Variants in UBE2V1 observed in about 807,000 individuals in gnomAD.
UBE2V1 encodes ubiquitin-conjugating enzyme E2 variant 1.
In UBE2V1, 15 loss-of-function variants were observed where a neutral mutation model predicts 19.6. The observed-to-expected ratio is 0.77, with a 90% CI of 0.51 to 1.18. The LOEUF is 1.18. Among genes scored for constraint, UBE2V1 ranks in the 50% most tolerant of loss-of-function variants. The probability of loss-of-function intolerance (pLI) is 0.00; values close to 1 mark genes in which losing one functional copy is unlikely to be tolerated. For missense variants in UBE2V1, 125 were observed against 184.8 expected (o/e 0.68, Z 1.88); for synonymous variants, 60 against 60.7 (o/e 0.99, Z 0.05).
At chr20:50,087,000 C>T (rs1003110218) in intron 2 of UBE2V1, among the ~76,000 whole-genome samples, 1 of 152,134 alleles carries the variant, frequency 6.6e-6, no homozygotes, top group Non-Finnish European at 1.5e-5. Flanking sequence ...TGGCACGAAC[C>T]CGGGAGGTGG....
At chr20:50,112,234 T>A (rs1310919211) in intron 1 of UBE2V1, among the ~76,000 whole-genome samples, 2 of 152,132 alleles carry the variant, frequency 1.3e-5, no homozygotes, top group African/African-American at 4.8e-5. Context: ...GGGGCTTCCC[T>A]CAGTTGAATC....
chr20:50,106,079 T>C (rs897594633), intron 1 of UBE2V1, among the ~76,000 whole-genome samples: 1 of 152,060 alleles, frequency 6.6e-6, no homozygotes, highest in African/African-American at 2.4e-5. Context: ...AAATAGACTA[T>C]GACTATTAAA....
At chr20:50,094,143 TTATA>T (rs928852253) in intron 2 of UBE2V1, among the ~76,000 whole-genome samples, 4 of 131,028 alleles carry the variant, frequency 3.1e-5, no homozygotes, top group East Asian at 2.1e-4. Flanking sequence ...ATTATATATC[TTATA>T]TATAATTATA....
chr20:50,110,142 A>G (rs1239891867), intron 1 of UBE2V1, among the ~76,000 whole-genome samples: 5 of 152,244 alleles, frequency 3.3e-5, no homozygotes, highest in African/African-American at 1.2e-4. Flanking sequence ...TTTCTGATTA[A>G]ATGTCAGGGA....
chr20:50,105,077 T>A (rs947761239), intron 1 of UBE2V1, among the ~76,000 whole-genome samples: 3 of 152,190 alleles, frequency 2.0e-5, no homozygotes, highest in Non-Finnish European at 4.4e-5. Context: ...CCATTTTTTT[T>A]AAAATAAGGG....
chr20:50,084,298 G>A (rs770359999), intron 2 of UBE2V1, 44 bp from the exon 3 acceptor site: 1 of 1,609,572 alleles, frequency 6.2e-7, no homozygotes. Context: ...TACAAACAAA[G>A]CATTCAAAAA....
intron 3 of UBE2V1, 102 bp from the exon 4 acceptor site, chr20:50,083,016 T>G: frequency 1.3e-6 from 2 of 1,528,844 alleles, no homozygotes; most frequent in South Asian, 2.5e-5. Flanking sequence ...GATGTACTTT[T>G]TAAGCTGAAC....
intron 2 of UBE2V1, among the ~76,000 whole-genome samples, chr20:50,094,332 A>C (rs1353937636): frequency 6.0e-5 from 7 of 116,532 alleles, no homozygotes; most frequent in African/African-American, 2.4e-4. Context: ...AAAGGAGGAA[A>C]AATTAGGTAG....
chr20:50,112,180 A>C (rs1352344752), intron 1 of UBE2V1, among the ~76,000 whole-genome samples: 1 of 152,222 alleles, frequency 6.6e-6, no homozygotes, highest in Non-Finnish European at 1.5e-5. Context: ...TCTCCTTTAC[A>C]GGAAACATCT....
chr20:50,113,494 C>T (rs383495), upstream of UBE2V1, among the ~76,000 whole-genome samples: 43,101 of 152,084 alleles, frequency 0.28, 6,137 homozygotes, highest in Middle Eastern at 0.37. Context: ...TAGTTCCTAT[C>T]TAGATCCTCA....
At chr20:50,092,264 G>A (rs1203017039) in intron 2 of UBE2V1, among the ~76,000 whole-genome samples, 3 of 152,134 alleles carry the variant, frequency 2.0e-5, no homozygotes, top group African/African-American at 4.8e-5. Flanking sequence ...AGAGACTGCC[G>A]TGAGCTGAAA....
rs924184495 is a variant in UBE2V1, at chr20:50,110,788, C to A, written c.22+2319G>T. Among the ~76,000 whole-genome samples the A allele has an allele frequency of 5.3e-5, 8 of 152,200 alleles. 1 individual carries two copies. The highest frequency in any genetic ancestry group is 1.9e-4 in the African/African-American group (8 of 41,442). On this transcript the variant is annotated intron_variant, in intron 1 of 3. Coordinates refer to ENST00000371674, the MANE Select transcript of UBE2V1 (RefSeq NM_001032288.3). ...CTCTCCAACTCATCTCCTTAACAAG[C>A]CTTGCTTGCACATGAAGGCCTTTTA...
intron 1 of UBE2V1, among the ~76,000 whole-genome samples, chr20:50,110,739 A>G (rs2080699364): frequency 2.0e-5 from 3 of 152,072 alleles, no homozygotes; most frequent in Admixed American, 2.0e-4. Context: ...TTCCCCTCAT[A>G]CCATCTCAAA....
chr20:50,084,554 C>T (rs1213118201), intron 2 of UBE2V1: 1 of 504,050 alleles, frequency 2.0e-6, no homozygotes, highest in Admixed American at 2.3e-5. Flanking sequence ...CTTTGCAGTC[C>T]TTCTCTGGGG....
chr20:50,096,887 C>A (rs2079658843), intron 1 of UBE2V1, 67 bp from the exon 2 acceptor site: 1 of 1,592,650 alleles, frequency 6.3e-7, no homozygotes, highest in Non-Finnish European at 8.5e-7. Flanking sequence ...CTAGAGCTAG[C>A]TGCTCATTAT....
At chr20:50,109,558 G>A (rs981273476) in intron 1 of UBE2V1, among the ~76,000 whole-genome samples, 2 of 152,052 alleles carry the variant, frequency 1.3e-5, no homozygotes, top group Non-Finnish European at 2.9e-5. Context: ...AGACCAGACT[G>A]ACCAACATGG....
rs541807021 is a variant in UBE2V1 at position 50,097,906 on chromosome 20, T to C, written c.23-1086A>G. Among the ~76,000 whole-genome samples the C allele has an allele frequency of 5.9e-5, 9 of 152,282 alleles. No individual in the cohort carries two copies. The East Asian group carries it at 7.7e-4, about 13-fold the overall frequency. ...TGTAGGACACACGCCATTAATTCAA[T>C]TGGAATAAATATTTGAGTACTTAGT... is the stretch of plus-strand genomic sequence containing the variant. On this transcript the variant is annotated intron_variant, in intron 1 of 3. Transcript: ENST00000371674.
chr20:50,091,005 G>A (rs767893409), intron 2 of UBE2V1, among the ~76,000 whole-genome samples: 4 of 152,056 alleles, frequency 2.6e-5, no homozygotes, highest in Admixed American at 2.6e-4. Flanking sequence ...GAGTTAAAGC[G>A]GGACTAAGTT....
At chr20:50,094,177 CAT>C (rs200869616) in intron 2 of UBE2V1, among the ~76,000 whole-genome samples, 2,913 of 87,060 alleles carry the variant, frequency 0.033, 159 homozygotes, top group African/African-American at 0.13. Flanking sequence ...TATTACATAT[CAT>C]ATATGTTATA....
Sources: allele counts gnomAD v4.1 joint callset (sites outside exome capture counted in the v4.1 genomes callset), GRCh38; gene constraint gnomAD v4.1.1; transcripts MANE v1.5; gene names NCBI Gene and HGNC (gene_info 2026-07-23, HGNC 2026-07-21).